Variants in SHISAL2A observed in about 807,000 individuals in gnomAD.
The protein encoded by SHISAL2A is shisa like 2A, also known as protein shisa-like-2A.
A neutral mutation model predicts 11.5 loss-of-function variants in SHISAL2A; 18 were observed. The ratio of observed to expected loss-of-function variants is 1.57; its 90% CI spans 1.08 to 2.33. The LOEUF is 2.33. Among genes scored for constraint, SHISAL2A ranks in the 30% most tolerant of loss-of-function variants. The probability of loss-of-function intolerance (pLI) is 0.00; values close to 1 mark genes in which losing one functional copy is unlikely to be tolerated. For missense variants in SHISAL2A, 261 were observed against 250.9 expected, an observed-to-expected ratio of 1.04 and a Z score of -0.27; for synonymous variants, 94 against 99.6, an observed-to-expected ratio of 0.94 and a Z score of 0.34.
chr1:52,651,114 A>G (rs1186573782), intron 2 of SHISAL2A, among the ~76,000 whole-genome samples: 2 of 152,190 alleles, frequency 1.3e-5, no homozygotes, highest in African/African-American at 4.8e-5. Flanking sequence ...ACCAGCCATC[A>G]CATCTCAGAA....
rs541954722 is a variant in SHISAL2A at position 52,652,451 on chromosome 1, T to C, written c.323-4339T>C. On this transcript the variant is annotated intron_variant, in intron 2 of 2. Transcript: ENST00000517870. The stretch of plus-strand genomic sequence containing the variant: ...TTGTTTTTTAACAAACAAGTTTTTT[T>C]GTTTTGTTAAATTGTTTTGTTTTGT... Among the ~76,000 whole-genome samples, 6 of 152,356 alleles carry C rather than the reference T, an allele frequency of 3.9e-5. No individual in the cohort carries two copies. In the South Asian group the frequency reaches 8.3e-4, roughly 21 times the overall value.
Position 52,644,464 on chromosome 1 carries a change from C to T in SHISAL2A, c.322+1462C>T, listed in dbSNP as rs555037284. Among the ~76,000 whole-genome samples the T allele has an allele frequency of 4.5e-4, 68 of 152,176 alleles. 1 individual carries two copies. Among genetic ancestry groups the T allele is most frequent in the Non-Finnish European group, 8.5e-4 (58 of 68,024 alleles). ...TGACAGCCGGTTGTAGTGGCTCATG[C>T]CTGTAATCCCAGCACTTTGGGAGGC... On this transcript the variant is annotated intron_variant, in intron 2 of 2. Transcript: ENST00000517870.
downstream of SHISAL2A, among the ~76,000 whole-genome samples, chr1:52,658,363 C>G (rs1004717265): frequency 2.0e-5 from 3 of 152,124 alleles, no homozygotes; most frequent in African/African-American, 7.2e-5. Flanking sequence ...TTTAAATGAC[C>G]AATGGATGAT....
At chr1:52,634,152 ACCT>A (rs1691192638) in intron 1 of SHISAL2A, among the ~76,000 whole-genome samples, 1 of 151,230 alleles carries the variant, frequency 6.6e-6, no homozygotes, top group Non-Finnish European at 1.5e-5. Flanking sequence ...ACCAGCCCCA[ACCT>A]CCTCTTCTGT....
chr1:52,660,073 A>C (rs1400589980), downstream of SHISAL2A, among the ~76,000 whole-genome samples: 1 of 152,140 alleles, frequency 6.6e-6, no homozygotes, highest in Non-Finnish European at 1.5e-5. Context: ...AAGTCCCCAG[A>C]ATTTGCATTT....
rs753234592 is a variant in SHISAL2A, at chr1:52,633,564, C to CG, written c.77dup (p.Glu27ArgfsTer67). The CG allele has an allele frequency of 4.3e-6, 7 of 1,610,826 alleles. No homozygotes were observed. The highest frequency in any genetic ancestry group is 2.2e-5 in the East Asian group (1 of 44,540). Reference sequence around the variant, plus strand: ...GTGCGCGGCTTCAGCTGCCCGCGGCCGGGGGGCGAGGCGGCCGCTGTCTTC... The same window carrying CG: ...GTGCGCGGCTTCAGCTGCCCGCGGCCGGGGGGGCGAGGCGGCCGCTGTCTTC... On this transcript the variant is annotated frameshift_variant, in exon 1 of 3. Coordinates refer to ENST00000517870, the MANE Select transcript of SHISAL2A (RefSeq NM_001042693.3). LOFTEE classifies it high-confidence loss of function. This position sits in a 1 kb window ranked among gnomAD's most constrained non-coding sequence, Gnocchi z 6.4.
At chr1:52,640,139 C>A (rs898293553) in intron 1 of SHISAL2A, 4 of 152,122 alleles carry the variant, frequency 2.6e-5, no homozygotes, top group Non-Finnish European at 2.9e-5. Flanking sequence ...TATACTGTTC[C>A]ATTGCAGAGA....
At chr1:52,663,347 G>C (rs1362290052) in intron 4 of SHISAL2A, among the ~76,000 whole-genome samples, 1 of 152,074 alleles carries the variant, frequency 6.6e-6, no homozygotes, top group Non-Finnish European at 1.5e-5. Flanking sequence ...CACCTCCTCC[G>C]CCCTCCCCGC....
rs1691398390 is a variant in SHISAL2A, at chr1:52,642,860, C to G, written c.183-3C>G. 6.2e-7 allele frequency: 1 copy of G among 1,612,724 alleles called. No individual in the cohort carries two copies. Among genetic ancestry groups the G allele is most frequent in the African/African-American group, 1.3e-5 (1 of 74,868 alleles). On this transcript the variant is annotated splice_polypyrimidine_tract_variant and splice_region_variant and intron_variant, in intron 1 of 2. Coordinates refer to ENST00000517870, the MANE Select transcript of SHISAL2A (RefSeq NM_001042693.3). ...CAGCTCCCATGTGGTCTTCTCTTCCCAGCATTGGCGCTCTCATAGGCCTGT... is the reference window on the plus strand; with the variant it reads ...CAGCTCCCATGTGGTCTTCTCTTCCGAGCATTGGCGCTCTCATAGGCCTGT...
downstream of SHISAL2A, among the ~76,000 whole-genome samples, chr1:52,660,744 T>C (rs181401159): frequency 3.3e-5 from 5 of 152,296 alleles, 1 homozygote; most frequent in East Asian, 9.7e-4. Context: ...TTTACAGCTA[T>C]CCTGCTAGGT....
At chr1:52,645,529 C>T (rs1341846536) in intron 2 of SHISAL2A, among the ~76,000 whole-genome samples, 2 of 152,202 alleles carry the variant, frequency 1.3e-5, no homozygotes, top group African/African-American at 4.8e-5. Flanking sequence ...CCACCTCATT[C>T]TCCTGAATAG....
rs150105030 is a variant in SHISAL2A, at chr1:52,648,287, T to C, written c.322+5285T>C. ...AGAACCTGTCATATTGGAAACTAAA[T>C]GTCCATAGGTAGAGGAATGGATCAT... On this transcript the variant is annotated intron_variant, in intron 2 of 2. Coordinates refer to ENST00000517870, the MANE Select transcript of SHISAL2A (RefSeq NM_001042693.3). Among the ~76,000 whole-genome samples the C allele has an allele frequency of 6.6e-3, 1,006 of 152,012 alleles. 4 individuals are homozygous for C. Among genetic ancestry groups the C allele is most frequent in the Non-Finnish European group, 0.011 (730 of 67,968 alleles).
chr1:52,634,001 C>A lies in SHISAL2A; in HGVS notation c.182+326C>A, dbSNP rs546063915. ...CACATATCAAGCCTCCCCCTAACAG[C>A]AACTTCCATCTTCAAACATTCACAG... On this transcript the variant is annotated intron_variant, in intron 1 of 2. Transcript: ENST00000517870. Among the ~76,000 whole-genome samples, 598 of 152,132 alleles carry A rather than the reference C, an allele frequency of 3.9e-3. 5 individuals are homozygous for A. Among genetic ancestry groups the A allele is most frequent in the African/African-American group, 0.013 (560 of 41,504 alleles).
At chr1:52,640,354 A>G (rs550119348) in intron 1 of SHISAL2A, among the ~76,000 whole-genome samples, 1 of 152,188 alleles carries the variant, frequency 6.6e-6, no homozygotes, top group Admixed American at 6.5e-5. Context: ...GATGCCACCT[A>G]TACCTTCTCA....
intron 2 of SHISAL2A, among the ~76,000 whole-genome samples, chr1:52,646,890 T>C (rs969020155): frequency 1.3e-5 from 2 of 152,124 alleles, no homozygotes; most frequent in African/African-American, 4.8e-5. Context: ...AGTGCGGTGG[T>C]GCGATCTCAG....
In SHISAL2A at chr1:52,665,295, C is replaced by T. The variant is rs866379935; in HGVS notation, n.696-2104C>T. On this transcript the variant is annotated intron_variant and non_coding_transcript_variant, in intron 4 of 5. Coordinates refer to the SHISAL2A transcript ENST00000401050. ...AGGTCTGTAATTGTGGAATCTTGAG[C>T]CTGATTCTAATCCTGTGAAACCAGA... Among the ~76,000 whole-genome samples the T allele has an allele frequency of 1.4e-4, 22 of 152,276 alleles. 1 individual carries two copies. Among genetic ancestry groups the T allele is most frequent in the Middle Eastern group, 6.8e-3 (2 of 294 alleles).
intron 2 of SHISAL2A, among the ~76,000 whole-genome samples, chr1:52,651,885 G>A (rs931679116): frequency 6.6e-6 from 1 of 152,178 alleles, no homozygotes; most frequent in Non-Finnish European, 1.5e-5. Flanking sequence ...GAAAAATTAG[G>A]CCAGTTGTAT....
At chr1:52,656,681 G>T in intron 2 of SHISAL2A, 109 bp from the exon 3 acceptor site, 5 of 1,186,840 alleles carry the variant, frequency 4.2e-6, no homozygotes, top group Non-Finnish European at 6.0e-6. Context: ...TGCTTCTAAG[G>T]CTCTGACCAC....
At chr1:52,642,113 A>G (rs1486379016) in intron 1 of SHISAL2A, among the ~76,000 whole-genome samples, 2 of 152,202 alleles carry the variant, frequency 1.3e-5, no homozygotes, top group Non-Finnish European at 2.9e-5. Flanking sequence ...TAAAACAAAA[A>G]GAAAAGAAAT....
Sources: gnomAD v4.1 joint callset for allele counts (sites outside exome capture counted in the v4.1 genomes callset) on GRCh38, gnomAD v4.1.1 for gene constraint, Gnocchi (gnomAD v3.1) non-coding constraint, MANE v1.5 for transcripts, NCBI Gene and HGNC (gene_info 2026-07-23, HGNC 2026-07-21) for gene names.